Variants in IGFL2 observed in about 807,000 individuals in gnomAD.
IGFL2 encodes the protein IGF like family member 2.
A neutral mutation model predicts 13.9 loss-of-function variants in IGFL2; 7 were observed. The observed-to-expected ratio is 0.51, with a 90% CI of 0.29 to 0.95. The LOEUF (loss-of-function observed/expected upper bound fraction) is 0.95, where lower values mean the gene tolerates loss of function less well. IGFL2 is among the 40% of genes least tolerant of loss of function. The pLI is 0.08. For synonymous variants in IGFL2, 55 were observed against 55.8 expected (o/e 0.99, Z 0.07); for missense variants, 138 against 147.8 (o/e 0.93, Z 0.34).
chr19:46,136,288 A>C, the IGFL2 span, among the ~76,000 whole-genome samples: 2 of 152,088 alleles, frequency 1.3e-5, no homozygotes, highest in African/African-American at 4.8e-5. Context: ...TTCTTTTTTT[A>C]AGAAAATATT....
the IGFL2 span, among the ~76,000 whole-genome samples, chr19:46,092,568 G>A: frequency 0.013 from 2,047 of 152,126 alleles, 32 homozygotes; most frequent in Middle Eastern, 0.027. Context: ...AGCGGCTGAG[G>A]CTGCAGTGAG....
At chr19:46,103,357 G>T in the IGFL2 span, among the ~76,000 whole-genome samples, 1 of 152,192 alleles carries the variant, frequency 6.6e-6, no homozygotes, top group Non-Finnish European at 1.5e-5. Context: ...GAAACGGCTA[G>T]GAGAGAGTGA....
chr19:46,157,945 A>G (rs1973911668), intron 1 of IGFL2, among the ~76,000 whole-genome samples: 2 of 152,232 alleles, frequency 1.3e-5, no homozygotes, highest in African/African-American at 2.4e-5. Flanking sequence ...AGGTTTCAGA[A>G]TGCAAGATCA....
upstream of IGFL2, among the ~76,000 whole-genome samples, chr19:46,142,641 C>T (rs574156776): frequency 9.8e-5 from 15 of 152,302 alleles, no homozygotes; most frequent in South Asian, 2.3e-3. Context: ...GTAGGCAGCA[C>T]GACTGGTGGC....
At chr19:46,190,566 G>A in the IGFL2 span, among the ~76,000 whole-genome samples, 2 of 152,276 alleles carry the variant, frequency 1.3e-5, no homozygotes, top group East Asian at 1.9e-4. Context: ...CTTAATAGAC[G>A]TAAAGTCATA....
chr19:46,167,319 G>C, the IGFL2 span, among the ~76,000 whole-genome samples: 596 of 152,268 alleles, frequency 3.9e-3, 3 homozygotes, highest in African/African-American at 0.012. Context: ...ATAATGTCCT[G>C]CGTGTGTGCA....
the IGFL2 span, among the ~76,000 whole-genome samples, chr19:46,178,133 C>T: frequency 2.6e-5 from 4 of 152,044 alleles, no homozygotes; most frequent in Non-Finnish European, 4.4e-5. Flanking sequence ...AAAAATTAGT[C>T]GGGCATGGTG....
downstream of IGFL2, among the ~76,000 whole-genome samples, chr19:46,161,615 TTGTC>T (rs1424237667): frequency 6.6e-6 from 1 of 152,222 alleles, no homozygotes; most frequent in African/African-American, 2.4e-5. Context: ...TTTAATGTCT[TTGTC>T]TGAAATTAGG....
At chr19:46,186,449 C>G in the IGFL2 span, among the ~76,000 whole-genome samples, 1 of 152,146 alleles carries the variant, frequency 6.6e-6, no homozygotes, top group Non-Finnish European at 1.5e-5. Context: ...CGGTGTTGAC[C>G]CCATGCTATT....
At chr19:46,082,573 AAG>A in the IGFL2 span, among the ~76,000 whole-genome samples, 1 of 152,130 alleles carries the variant, frequency 6.6e-6, no homozygotes, top group Non-Finnish European at 1.5e-5. Context: ...GCCGCCCTGT[AAG>A]AGAGAGGGTA....
the IGFL2 span, among the ~76,000 whole-genome samples, chr19:46,114,786 A>G: frequency 6.6e-6 from 1 of 152,180 alleles, no homozygotes; most frequent in Non-Finnish European, 1.5e-5. Flanking sequence ...AGCCAATTAA[A>G]CCACTTTTCT....
chr19:46,174,344 T>C, the IGFL2 span, among the ~76,000 whole-genome samples: 1 of 152,090 alleles, frequency 6.6e-6, no homozygotes. Flanking sequence ...GACCCGCCCT[T>C]GTGGCTGGCT....
chr19:46,102,561 G>A, the IGFL2 span, among the ~76,000 whole-genome samples: 1 of 152,106 alleles, frequency 6.6e-6, no homozygotes, highest in Admixed American at 6.5e-5. Context: ...GGCGGGGAGG[G>A]TGTATTGTCA....
the IGFL2 span, among the ~76,000 whole-genome samples, chr19:46,179,002 A>T: frequency 6.6e-6 from 1 of 152,204 alleles, no homozygotes. Flanking sequence ...CAGTGAGTAG[A>T]GCAGAGAGAA....
intron 1 of IGFL2, among the ~76,000 whole-genome samples, chr19:46,154,437 GGTTTT>G (rs755935199): frequency 2.0e-5 from 3 of 151,778 alleles, no homozygotes; most frequent in African/African-American, 7.3e-5. Context: ...TGGATTTTTG[GGTTTT>G]GTTTTGTTTT....
chr19:46,102,482 TG>T, the IGFL2 span, among the ~76,000 whole-genome samples: 1 of 151,912 alleles, frequency 6.6e-6, no homozygotes, highest in African/African-American at 2.4e-5. Flanking sequence ...TTCTTAATGG[TG>T]GGGAGGGTGT....
At chr19:46,182,159 G>T in the IGFL2 span, among the ~76,000 whole-genome samples, 4 of 151,986 alleles carry the variant, frequency 2.6e-5, no homozygotes, top group Non-Finnish European at 5.9e-5. Flanking sequence ...ACAAGGTCAG[G>T]AGTTCGAGAT....
At chr19:46,194,095 G>C in the IGFL2 span, among the ~76,000 whole-genome samples, 2 of 152,012 alleles carry the variant, frequency 1.3e-5, no homozygotes, top group Non-Finnish European at 2.9e-5. Flanking sequence ...TGGGCTCTAC[G>C]GGACACAGGG....
chr19:46,176,009 A>ATTTT, the IGFL2 span, among the ~76,000 whole-genome samples: 347 of 71,852 alleles, frequency 4.8e-3, 4 homozygotes, highest in Middle Eastern at 0.012. Context: ...CGCCCGACTA[A>ATTTT]TTTTTTTTTT....
Sources: gnomAD v4.1 joint callset for allele counts (sites outside exome capture counted in the v4.1 genomes callset) on GRCh38, gnomAD v4.1.1 for gene constraint, MANE v1.5 for transcripts, NCBI Gene and HGNC (gene_info 2026-07-23, HGNC 2026-07-21) for gene names.